Variants in REG4 observed in about 807,000 individuals in gnomAD.
REG4 encodes regenerating islet-derived protein 4.
A neutral mutation model predicts 22.3 loss-of-function variants in REG4; 16 were observed. The observed-to-expected ratio is 0.72, with a 90% CI of 0.49 to 1.09. The LOEUF (loss-of-function observed/expected upper bound fraction) is 1.09. Ranked by LOEUF, REG4 falls within the 50% of genes least tolerant of loss-of-function variation. The probability of loss-of-function intolerance (pLI) is 0.00; values close to 1 mark genes in which losing one functional copy is unlikely to be tolerated. For missense variants in REG4, 214 were observed against 193.9 expected (o/e 1.10, Z -0.61); for synonymous variants, 71 against 69.2 (o/e 1.03, Z -0.13).
chr1:119,799,830 G>A lies in REG4; in HGVS notation c.198C>T (p.His66=), dbSNP rs2101068290. 6.2e-7 allele frequency: 1 copy of A among 1,614,132 alleles called. No individual in the cohort carries two copies. Among genetic ancestry groups the A allele is most frequent in the South Asian group, 1.1e-5 (1 of 91,064 alleles). The change falls in exon 4 of 6, where the codon CAC becomes CAT. Residue 66 remains histidine (H), a synonymous_variant. Coordinates refer to ENST00000256585, the MANE Select transcript of REG4 (RefSeq NM_032044.4). ...LECQSYGNGA[H]LASILSLKEA... ...CCTTTAAACTCAGGATAGATGCCAG[G>A]TGGGCTCCGTTTCCGTAAGACTGAC...
In REG4 at chr1:119,799,724, C is replaced by T. The variant is rs1447937586; in HGVS notation, c.303+1G>A. ...GCCTTTGTGGCCAAGTCTGAGGTTA[C>T]CTTCTGTGGGTCGTGCAGGCCAATC... is the stretch of plus-strand genomic sequence containing the variant. On this transcript the variant is annotated splice_donor_variant, in intron 4 of 5. Coordinates refer to ENST00000256585, the MANE Select transcript of REG4 (RefSeq NM_032044.4). LOFTEE classifies it high-confidence loss of function. 2 of 1,613,180 alleles carry T rather than the reference C, an allele frequency of 1.2e-6. No homozygotes were observed. Among genetic ancestry groups the T allele is most frequent in the African/African-American group, 2.7e-5 (2 of 74,944 alleles).
intron 2 of REG4, 143 bp downstream of exon 2, chr1:119,808,560 C>T (rs1654396267): frequency 6.6e-6 from 4 of 607,304 alleles, no homozygotes; most frequent in South Asian, 2.1e-5. Flanking sequence ...TTTTTTAGTA[C>T]CTATCTTTGT....
intron 3 of REG4, chr1:119,801,482 G>C (rs2793824): frequency 2.6e-5 from 4 of 152,150 alleles, no homozygotes; most frequent in African/African-American, 9.7e-5. Context: ...ACCAGCCACA[G>C]AAGATCCTGT....
intron 5 of REG4, among the ~76,000 whole-genome samples, chr1:119,796,514 CA>C (rs1653942030): frequency 6.6e-6 from 1 of 152,036 alleles, no homozygotes; most frequent in African/African-American, 2.4e-5. Context: ...AAAGAGAGAA[CA>C]AGAATGTGTG....
intron 3 of REG4, among the ~76,000 whole-genome samples, chr1:119,800,803 G>A (rs1303708701): frequency 6.6e-6 from 1 of 152,078 alleles, no homozygotes; most frequent in Non-Finnish European, 1.5e-5. Context: ...AGGTGAATAT[G>A]CCCACCCCTT....
intron 5 of REG4, among the ~76,000 whole-genome samples, chr1:119,798,094 A>C (rs1653984260): frequency 6.6e-6 from 1 of 152,218 alleles, no homozygotes; most frequent in African/African-American, 2.4e-5. Flanking sequence ...GCTCATGGCA[A>C]ACCCTCATTT....
intron 3 of REG4, chr1:119,802,410 G>GTT (rs1351058122): frequency 6.1e-6 from 6 of 990,246 alleles, no homozygotes; most frequent in Non-Finnish European, 7.2e-6. Context: ...TCATTGTCTA[G>GTT]TTTTATACAG....
In REG4 at chr1:119,804,386, C is replaced by T. The variant is rs976306272; in HGVS notation, c.68-1221G>A. 3.3e-5 allele frequency among the ~76,000 whole-genome samples: 5 copies of T among 152,190 alleles called. No individual in the cohort carries two copies. In the South Asian group the frequency reaches 8.3e-4, roughly 25 times the overall value. On this transcript the variant is annotated intron_variant, in intron 2 of 5. Transcript: ENST00000256585. ...TTATAACCTGGTTGTATGCCCCTAT[C>T]CAGCCACATCCTTCTATGCCATAGT... is the stretch of plus-strand genomic sequence containing the variant.
intron 1 of REG4, among the ~76,000 whole-genome samples, chr1:119,810,015 C>A (rs1352788706): frequency 6.6e-6 from 1 of 151,724 alleles, no homozygotes; most frequent in African/African-American, 2.4e-5. Context: ...TTTGTGAGAT[C>A]TTTTTTGTAT....
chr1:119,799,377 G>A (rs912093209), intron 4 of REG4, among the ~76,000 whole-genome samples: 2 of 151,310 alleles, frequency 1.3e-5, no homozygotes, highest in Non-Finnish European at 2.9e-5. Flanking sequence ...ATGGAGATTT[G>A]ATTAATCTGT....
chr1:119,808,893 C>A, intron 1 of REG4, 30 bp from the exon 2 acceptor site: 1 of 586,324 alleles, frequency 1.7e-6, no homozygotes, highest in Non-Finnish European at 3.0e-6. Context: ...TGAGAAGGAC[C>A]CAGGAATCTA....
chr1:119,806,133 A>T (rs1056160382), intron 2 of REG4, among the ~76,000 whole-genome samples: 1 of 151,972 alleles, frequency 6.6e-6, no homozygotes, highest in Non-Finnish European at 1.5e-5. Flanking sequence ...AGACAGACAG[A>T]GTTTCGCCAC....
intron 3 of REG4, chr1:119,801,525 G>A (rs1238077841): frequency 6.6e-6 from 1 of 152,228 alleles, no homozygotes; most frequent in Non-Finnish European, 1.5e-5. Context: ...GAGGCTTGAA[G>A]TATGTACGTG....
chr1:119,798,943 A>G (rs147686035), intron 4 of REG4, among the ~76,000 whole-genome samples: 27 of 152,364 alleles, frequency 1.8e-4, no homozygotes, highest in African/African-American at 6.3e-4. Flanking sequence ...TGTAACAACT[A>G]TGGTAAAGGA....
At chr1:119,806,126 C>T (rs1654309932) in intron 2 of REG4, among the ~76,000 whole-genome samples, 1 of 152,002 alleles carries the variant, frequency 6.6e-6, no homozygotes, top group Non-Finnish European at 1.5e-5. Context: ...TTAGTAGAGA[C>T]AGACAGAGTT....
Position 119,808,791 on chromosome 1 carries a change from T to C in REG4, c.-22A>G. The C allele has an allele frequency of 6.3e-7, 1 of 1,585,362 alleles. No individual in the cohort carries two copies. The highest frequency in any genetic ancestry group is 8.7e-7 in the Non-Finnish European group (1 of 1,154,460). On this transcript the variant is annotated 5_prime_UTR_variant, in exon 2 of 6. Transcript: ENST00000256585. ...CCATCTTCCTCCTACCCTGAGGATG[T>C]AGCTAGTGCAAGGATCTCAGAGACC...
intron 4 of REG4, 131 bp from the exon 5 acceptor site, chr1:119,798,733 A>C (rs1472450287): frequency 3.3e-6 from 2 of 602,924 alleles, no homozygotes; most frequent in South Asian, 2.8e-5. Context: ...TGCTTAAAGA[A>C]GGAAAAAGAG....
chr1:119,808,006 T>C (rs879893330), intron 2 of REG4, among the ~76,000 whole-genome samples: 1 of 152,212 alleles, frequency 6.6e-6, no homozygotes, highest in African/African-American at 2.4e-5. Context: ...TGAAAGGCAC[T>C]AGAAGCCCAA....
At chr1:119,808,661 C>T in intron 2 of REG4, 42 bp downstream of exon 2, 1 of 1,435,510 alleles carries the variant, frequency 7.0e-7, no homozygotes, top group Non-Finnish European at 9.8e-7. Flanking sequence ...GCTGTGTGAA[C>T]ACTGGCTGTG....
Sources: gnomAD v4.1 joint callset for allele counts (sites outside exome capture counted in the v4.1 genomes callset) on GRCh38, gnomAD v4.1.1 for gene constraint, MANE v1.5 for transcripts, NCBI Gene and HGNC (gene_info 2026-07-23, HGNC 2026-07-21) for gene names.